Variants in KCNJ6 observed in about 807,000 individuals in gnomAD.
KCNJ6 encodes G protein-activated inward rectifier potassium channel 2.
KCNJ6 carries 9 observed loss-of-function variants against 34.2 expected under a neutral mutation model. The observed-to-expected ratio is 0.26, with a 90% CI of 0.16 to 0.46. The LOEUF (loss-of-function observed/expected upper bound fraction) is 0.46. Among genes scored for constraint, KCNJ6 ranks in the 20% least tolerant of loss-of-function variants. The probability of loss-of-function intolerance (pLI) is 1.00; values close to 1 mark genes in which losing one functional copy is unlikely to be tolerated. For synonymous variants in KCNJ6, 196 were observed against 207.1 expected (o/e 0.95, Z 0.46); for missense variants, 236 against 531.3 (o/e 0.44, Z 5.46).
At chr21:37,706,928 G>A (rs758432148) in intron 3 of KCNJ6, among the ~76,000 whole-genome samples, 1 of 152,220 alleles carries the variant, frequency 6.6e-6, no homozygotes, top group Non-Finnish European at 1.5e-5. Context: ...AAATGTAAAC[G>A]ATTAGTCTTG....
chr21:37,819,716 C>T, intron 2 of KCNJ6, among the ~76,000 whole-genome samples: 1 of 152,168 alleles, frequency 6.6e-6, no homozygotes, highest in Non-Finnish European at 1.5e-5. Flanking sequence ...TGTTTATTTT[C>T]ATTATAGATT....
Position 37,641,055 on chromosome 21 carries a change from C to T in KCNJ6, c.947-15571G>A, listed in dbSNP as rs1226176724. On this transcript the variant is annotated intron_variant, in intron 3 of 3. Coordinates refer to ENST00000609713, the MANE Select transcript of KCNJ6 (RefSeq NM_002240.5). ...AGGAAGAGGGAATTTACTTAAGCTGCAACTGGGTTATAGGAACCTCACACA... is the reference window on the plus strand; with the variant it reads ...AGGAAGAGGGAATTTACTTAAGCTGTAACTGGGTTATAGGAACCTCACACA... Among the ~76,000 whole-genome samples the T allele has an allele frequency of 2.0e-5, 3 of 152,190 alleles. No homozygotes were observed. In the East Asian group the frequency reaches 5.8e-4, roughly 29 times the overall value.
chr21:37,689,513 C>T (rs13051687), intron 3 of KCNJ6, among the ~76,000 whole-genome samples: 52,090 of 151,884 alleles, frequency 0.34, 9,479 homozygotes, highest in East Asian at 0.41. Context: ...CAGTTCAGGT[C>T]GAACATTCAC....
At chr21:37,888,913 G>C (rs2055748624) in intron 1 of KCNJ6, among the ~76,000 whole-genome samples, 1 of 152,216 alleles carries the variant, frequency 6.6e-6, no homozygotes, top group African/African-American at 2.4e-5. Flanking sequence ...GGTCATCAAG[G>C]TATAACCTGA....
chr21:37,743,618 C>T (rs2054951964), intron 2 of KCNJ6, among the ~76,000 whole-genome samples: 1 of 152,144 alleles, frequency 6.6e-6, no homozygotes, highest in South Asian at 2.1e-4. Flanking sequence ...CTTACCCTTC[C>T]ACCTTCTGTC....
intron 3 of KCNJ6, among the ~76,000 whole-genome samples, chr21:37,684,300 C>T (rs142522065): frequency 6.6e-6 from 1 of 152,086 alleles, no homozygotes; most frequent in East Asian, 1.9e-4. Context: ...ATGTCATCTT[C>T]ACACGGCCTT....
At chr21:37,716,372 A>C (rs2054791048) in intron 2 of KCNJ6, among the ~76,000 whole-genome samples, 1 of 148,552 alleles carries the variant, frequency 6.7e-6, no homozygotes, top group African/African-American at 2.5e-5. Context: ...CTTTTAAAAA[A>C]GTTTAAATTT....
chr21:37,876,615 TG>T (rs2055679673), intron 1 of KCNJ6, among the ~76,000 whole-genome samples: 1 of 81,268 alleles, frequency 1.2e-5, no homozygotes, highest in African/African-American at 1.0e-4. Context: ...AACAAATTTA[TG>T]TTATATATGT....
intron 3 of KCNJ6, among the ~76,000 whole-genome samples, chr21:37,677,364 A>C (rs1173284222): frequency 6.6e-6 from 1 of 152,116 alleles, no homozygotes; most frequent in Non-Finnish European, 1.5e-5. Flanking sequence ...TGGCCAAAAG[A>C]ATTTATTTTC....
chr21:37,772,910 A>G (rs893554601), intron 2 of KCNJ6, among the ~76,000 whole-genome samples: 3 of 152,328 alleles, frequency 2.0e-5, no homozygotes, highest in African/African-American at 7.2e-5. Flanking sequence ...CTCAACAAGG[A>G]TACTGTGAAA....
chr21:37,783,659 G>T lies in KCNJ6; in HGVS notation c.25+56999C>A, dbSNP rs546369463. ...GAATTCTGTAATCTCTTGTTAGAGGGTATCAATTCCCTGCTTGAAGTCTTT... is the reference window on the plus strand; with the variant it reads ...GAATTCTGTAATCTCTTGTTAGAGGTTATCAATTCCCTGCTTGAAGTCTTT... On this transcript the variant is annotated intron_variant, in intron 2 of 3. Coordinates refer to ENST00000609713, the MANE Select transcript of KCNJ6 (RefSeq NM_002240.5). Among the ~76,000 whole-genome samples, 229 of 152,318 alleles carry T rather than the reference G, an allele frequency of 1.5e-3. 1 individual carries two copies. Among genetic ancestry groups the T allele is most frequent in the African/African-American group, 5.2e-3 (215 of 41,562 alleles).
At chr21:37,665,698 C>A (rs1280638229) in intron 3 of KCNJ6, among the ~76,000 whole-genome samples, 1 of 152,224 alleles carries the variant, frequency 6.6e-6, no homozygotes, top group Non-Finnish European at 1.5e-5. Context: ...GACCAAGTGT[C>A]TGCTCGCTGA....
At chr21:37,841,829 G>T (rs893140404) in intron 1 of KCNJ6, among the ~76,000 whole-genome samples, 3 of 152,064 alleles carry the variant, frequency 2.0e-5, no homozygotes, top group Admixed American at 2.0e-4. Context: ...AATTTACTTA[G>T]AATTTTTTAC....
In KCNJ6 at chr21:37,916,421, G is replaced by A. The variant is rs1426822534; in HGVS notation, c.-565C>T. The stretch of plus-strand genomic sequence containing the variant: ...TCCAGCCGACTGGCTGAGCCCCGCT[G>A]GCAGCGCACGAAGCGACGCGGCTCC... On this transcript the variant is annotated 5_prime_UTR_variant, in exon 1 of 4. Coordinates refer to ENST00000609713, the MANE Select transcript of KCNJ6 (RefSeq NM_002240.5). 6.6e-6 allele frequency: 1 copy of A among 152,210 alleles called. No individual in the cohort carries two copies. Among genetic ancestry groups the A allele is most frequent in the East Asian group, 1.9e-4 (1 of 5,182 alleles). 9.4% of individuals were successfully genotyped at this position (152,210 alleles called of 1,614,324 possible).
At chr21:37,784,235 C>G (rs1444754218) in intron 2 of KCNJ6, among the ~76,000 whole-genome samples, 1 of 152,200 alleles carries the variant, frequency 6.6e-6, no homozygotes, top group Admixed American at 6.5e-5. Flanking sequence ...AAACTGTGTG[C>G]CCGGCTGCAC....
At chr21:37,756,085 T>C (rs2055023217) in intron 2 of KCNJ6, among the ~76,000 whole-genome samples, 1 of 152,192 alleles carries the variant, frequency 6.6e-6, no homozygotes. Flanking sequence ...CCCTCGTTTG[T>C]AAAGCAGGGC....
Position 37,714,878 on chromosome 21 carries a change from T to C in KCNJ6, c.279A>G (p.Leu93=). ...TLVDLKWRFN[L]LIFVMVYTVT... ...CTGTGTAAACCATGACAAAAATCAA[T>C]AGGTTGAATCTCCACTTCAGGTCCA... Residue 93 remains leucine (L), a synonymous_variant, in exon 3 of 4, where the codon CTA becomes CTG. Transcript: ENST00000609713. The surrounding 1 kb of genome is among the most constrained non-coding windows in gnomAD (Gnocchi z 5.9). The C allele has an allele frequency of 1.9e-6, 3 of 1,614,166 alleles. No homozygotes were observed. Among genetic ancestry groups the C allele is most frequent in the Non-Finnish European group, 2.5e-6 (3 of 1,180,028 alleles).
rs1046124416 is a variant in KCNJ6, at chr21:37,840,677, G to C, written c.6C>G (p.Ala2=). 4.4e-6 allele frequency: 7 copies of C among 1,601,422 alleles called. No homozygotes were observed. Among genetic ancestry groups the C allele is most frequent in the Non-Finnish European group, 6.0e-6 (7 of 1,170,824 alleles). The change falls in exon 2 of 4, where the codon GCC becomes GCG. Residue 2 remains alanine, a synonymous_variant. Transcript: ENST00000609713. M[A]KLTESMTNVL... ...ACTCACTCATGGATTCTGTCAGCTTGGCCATTGTTGCAGTTTCTTCTTTGT... is the reference window on the plus strand; with the variant it reads ...ACTCACTCATGGATTCTGTCAGCTTCGCCATTGTTGCAGTTTCTTCTTTGT...
intron 2 of KCNJ6, among the ~76,000 whole-genome samples, chr21:37,820,889 A>AAC (rs2055370148): frequency 6.6e-6 from 1 of 152,236 alleles, no homozygotes; most frequent in African/African-American, 2.4e-5. Context: ...TTTTCTTGTG[A>AAC]ACAATGTCTT....
Sources: gnomAD v4.1 joint callset for allele counts (sites outside exome capture counted in the v4.1 genomes callset) on GRCh38, gnomAD v4.1.1 for gene constraint, Gnocchi (gnomAD v3.1) non-coding constraint, MANE v1.5 for transcripts, NCBI Gene and HGNC (gene_info 2026-07-23, HGNC 2026-07-21) for gene names.